The following ARHGEF12 variants were observed in gnomAD, a reference collection of about 807,000 sequenced individuals.
ARHGEF12 encodes the protein Rho guanine nucleotide exchange factor 12.
Under a neutral mutation model 211.2 loss-of-function variants are expected in ARHGEF12, and 66 were observed. The ratio of observed to expected loss-of-function variants is 0.31; its 90% CI spans 0.26 to 0.38. The LOEUF (loss-of-function observed/expected upper bound fraction) is 0.38. Ranked by LOEUF, ARHGEF12 falls within the 10% of genes least tolerant of loss-of-function variation. ARHGEF12 has a pLI of 1.00. For synonymous variants in ARHGEF12, 592 were observed against 638.4 expected, an observed-to-expected ratio of 0.93 and a Z score of 1.09; for missense variants, 1,429 against 1,869.5, an observed-to-expected ratio of 0.76 and a Z score of 4.34.
At chr11:120,393,123 A>G (rs755466570) in intron 1 of ARHGEF12, among the ~76,000 whole-genome samples, 1 of 152,256 alleles carries the variant, frequency 6.6e-6, no homozygotes, top group African/African-American at 2.4e-5. Flanking sequence ...TGTCAGGCGT[A>G]TGCTCAGCAC....
chr11:120,427,302 A>T (rs1014109462), intron 7 of ARHGEF12, among the ~76,000 whole-genome samples: 3 of 152,010 alleles, frequency 2.0e-5, no homozygotes, highest in African/African-American at 4.8e-5. Flanking sequence ...TTTCCCTGTT[A>T]TTGTGGAATA....
At chr11:120,385,272 G>A (rs1943996115) in intron 1 of ARHGEF12, 2 of 984,028 alleles carry the variant, frequency 2.0e-6, no homozygotes, top group African/African-American at 1.7e-5. Context: ...GATGATTGGG[G>A]GTGGGAGAAG....
intron 14 of ARHGEF12, 58 bp downstream of exon 14, chr11:120,441,875 G>A: frequency 2.0e-6 from 3 of 1,487,578 alleles, no homozygotes; most frequent in Non-Finnish European, 2.8e-6. Flanking sequence ...ATGTGCCATA[G>A]AACTTTTCCT....
chr11:120,470,174 C>T (rs1035939951), intron 30 of ARHGEF12, among the ~76,000 whole-genome samples: 1 of 152,090 alleles, frequency 6.6e-6, no homozygotes, highest in Non-Finnish European at 1.5e-5. Flanking sequence ...TCAGCATAGA[C>T]AAGTAAGAAT....
chr11:120,405,537 T>A (rs1286047034), intron 1 of ARHGEF12, among the ~76,000 whole-genome samples: 1 of 152,184 alleles, frequency 6.6e-6, no homozygotes, highest in Non-Finnish European at 1.5e-5. Context: ...TTAATTTTTT[T>A]CTAGATAATC....
rs895511374 is a variant in ARHGEF12, at chr11:120,385,310, T to C, written c.33-20808T>C. ...GTGGGGTTTCTTCTTATCATCCCTC[T>C]TGTGGTCAGTAAAATCATCTGACAA... On this transcript the variant is annotated intron_variant, in intron 1 of 40. Coordinates refer to ENST00000397843, the MANE Select transcript of ARHGEF12 (RefSeq NM_015313.3). 3.1e-5 allele frequency: 31 copies of C among 985,300 alleles called. No homozygotes were observed. In the African/African-American group the frequency reaches 4.9e-4, roughly 16 times the overall value. 61.0% of individuals were successfully genotyped at this position (985,300 alleles called of 1,614,324 possible).
In ARHGEF12 at chr11:120,347,204, C is replaced by CTT. The variant is rs59764380; in HGVS notation, c.32+9930_32+9931insTT. 2.3e-3 allele frequency among the ~76,000 whole-genome samples: 140 copies of CTT among 60,018 alleles called. 1 individual carries two copies. The highest frequency in any genetic ancestry group is 3.1e-3 in the Non-Finnish European group (71 of 22,696). The allele number at this position is 60,018 out of a possible 152,430, so 39.4% of individuals were successfully genotyped here. A position where few individuals can be genotyped will look rare whatever the true frequency, so the allele number is the denominator to read the frequency against. ...CCTTCCTTTCTTTCTTTCTTTCTTT[C>CTT]TCTTTCTTTTTCTTTCTTTCTTTCT... On this transcript the variant is annotated intron_variant, in intron 1 of 40. Transcript: ENST00000397843.
chr11:120,431,969 C>A, intron 11 of ARHGEF12, 58 bp downstream of exon 11: 1 of 1,453,400 alleles, frequency 6.9e-7, no homozygotes, highest in Non-Finnish European at 9.1e-7. Context: ...CAGCCCCTTT[C>A]TAGATTTGAT....
chr11:120,456,035 T>C (rs1946351638), intron 22 of ARHGEF12, among the ~76,000 whole-genome samples: 1 of 152,196 alleles, frequency 6.6e-6, no homozygotes, highest in African/African-American at 2.4e-5. Context: ...TATATAATCC[T>C]AACTAGTATA....
Position 120,465,315 on chromosome 11 carries a change from A to G in ARHGEF12, c.2692A>G (p.Ile898Val). ...TAACCAACCTTTCGCCCTGGAAATG[A>G]TCAAATCTCGTCAGAAAAAGGATTC... ...CSNQPFALEM[I>V]KSRQKKDSRF... The change falls in exon 28 of 41, where the codon ATC becomes GTC. Residue 898 changes from isoleucine (I) to valine (V), a missense_variant. Physicochemically the swap from Ile to Val is conservative, Grantham distance 29. Transcript: ENST00000397843. The G allele has an allele frequency of 1.2e-6, 2 of 1,614,182 alleles. No individual in the cohort carries two copies. Among genetic ancestry groups the G allele is most frequent in the Non-Finnish European group, 1.7e-6 (2 of 1,180,022 alleles).
intron 1 of ARHGEF12, among the ~76,000 whole-genome samples, chr11:120,376,989 T>A (rs550103064): frequency 1.3e-5 from 2 of 152,352 alleles, no homozygotes; most frequent in South Asian, 2.1e-4. Flanking sequence ...TTTATATAGC[T>A]GAATAATACT....
chr11:120,418,319 T>G (rs1324834134), intron 4 of ARHGEF12, among the ~76,000 whole-genome samples: 1 of 152,234 alleles, frequency 6.6e-6, no homozygotes, highest in Non-Finnish European at 1.5e-5. Flanking sequence ...CATGTAGTGT[T>G]TACTTTCTTA....
chr11:120,346,439 T>C (rs1478381921), intron 1 of ARHGEF12, among the ~76,000 whole-genome samples: 1 of 152,220 alleles, frequency 6.6e-6, no homozygotes, highest in Non-Finnish European at 1.5e-5. Flanking sequence ...TCTTAAAGCT[T>C]TCACTCAGTC....
chr11:120,392,637 G>C (rs1388776590), intron 1 of ARHGEF12, among the ~76,000 whole-genome samples: 1 of 152,162 alleles, frequency 6.6e-6, no homozygotes, highest in Non-Finnish European at 1.5e-5. Context: ...ATTTAGGGAC[G>C]TAACTATGTC....
chr11:120,358,721 G>A (rs546612723), intron 1 of ARHGEF12, among the ~76,000 whole-genome samples: 2 of 152,278 alleles, frequency 1.3e-5, no homozygotes, highest in South Asian at 4.1e-4. Context: ...CTACAGTACT[G>A]TTGGTTGATC....
chr11:120,377,923 T>A (rs549840042), intron 1 of ARHGEF12, among the ~76,000 whole-genome samples: 44 of 152,226 alleles, frequency 2.9e-4, no homozygotes, highest in African/African-American at 1.0e-3. Flanking sequence ...TATTAACTTT[T>A]AAAAAATTCT....
chr11:120,478,228 A>G lies in ARHGEF12; in HGVS notation c.3605A>G (p.Lys1202Arg). ...PQSHSLSTSG[K>R]SEVRDLFVAE... The stretch of plus-strand genomic sequence containing the variant: ...TCTCATTCACTGAGTACCTCTGGGA[A>G]ATCAGAGGTACGTGATCTGTTTGTG... Residue 1202 changes from lysine (K) to arginine (R), a missense_variant, in exon 37 of 41, where the codon AAA (lysine) becomes AGA (arginine). Transcript: ENST00000397843. 3 of 1,614,168 alleles carry G rather than the reference A, an allele frequency of 1.9e-6. No homozygotes were observed. Among genetic ancestry groups the G allele is most frequent in the Non-Finnish European group, 2.5e-6 (3 of 1,180,008 alleles).
chr11:120,366,564 A>G (rs890771678), intron 1 of ARHGEF12, among the ~76,000 whole-genome samples: 17 of 152,174 alleles, frequency 1.1e-4, no homozygotes, highest in Non-Finnish European at 2.5e-4. Flanking sequence ...TCTTCCACAA[A>G]AGTATTGGCT....
intron 1 of ARHGEF12, among the ~76,000 whole-genome samples, chr11:120,354,309 C>G (rs1943073406): frequency 6.6e-6 from 1 of 152,136 alleles, no homozygotes; most frequent in African/African-American, 2.4e-5. Context: ...GTCCTCTTTC[C>G]CATTCCCCTG....
Sources: gnomAD v4.1 joint callset for allele counts (sites outside exome capture counted in the v4.1 genomes callset) on GRCh38, gnomAD v4.1.1 for gene constraint, MANE v1.5 for transcripts, NCBI Gene and HGNC (gene_info 2026-07-23, HGNC 2026-07-21) for gene names.